Variants in TACR3 observed in about 807,000 individuals in gnomAD.
TACR3 encodes tachykinin receptor 3, also known as neuromedin-K receptor.
Under a neutral mutation model 35.0 loss-of-function variants are expected in TACR3, and 34 were observed. That is an observed-to-expected ratio of 0.97 (90% CI 0.74 to 1.30). TACR3 has a LOEUF of 1.30. Among genes scored for constraint, TACR3 ranks in the 50% most tolerant of loss-of-function variants. The probability of loss-of-function intolerance (pLI) is 0.00; values close to 1 mark genes in which losing one functional copy is unlikely to be tolerated. For missense variants in TACR3, 558 were observed against 591.7 expected (o/e 0.94, Z 0.59); for synonymous variants, 233 against 221.1 (o/e 1.05, Z -0.48).
At chr4:103,636,558 G>A (rs909717018) in intron 3 of TACR3, among the ~76,000 whole-genome samples, 1 of 150,262 alleles carries the variant, frequency 6.7e-6, no homozygotes. Context: ...ACATTCAAAA[G>A]CTAGCAGAAG....
At chr4:103,653,101 G>A (rs910306994) in intron 3 of TACR3, among the ~76,000 whole-genome samples, 1 of 152,070 alleles carries the variant, frequency 6.6e-6, no homozygotes, top group Non-Finnish European at 1.5e-5. Context: ...AGAAGTCCAT[G>A]ATGTAAGGGG....
At chr4:103,606,730 G>A (rs542771142) in intron 3 of TACR3, among the ~76,000 whole-genome samples, 1,905 of 151,982 alleles carry the variant, frequency 0.013, 36 homozygotes, top group African/African-American at 0.043. Context: ...GGCTGAGACA[G>A]TGGGGTTTTC....
intron 3 of TACR3, among the ~76,000 whole-genome samples, chr4:103,622,212 G>A (rs1271535078): frequency 6.6e-6 from 1 of 152,152 alleles, no homozygotes; most frequent in Non-Finnish European, 1.5e-5. Flanking sequence ...TCAGTGGAAT[G>A]GTGTGTTGGA....
intron 3 of TACR3, among the ~76,000 whole-genome samples, chr4:103,625,087 G>A (rs1724861211): frequency 6.6e-6 from 1 of 152,212 alleles, no homozygotes; most frequent in South Asian, 2.1e-4. Flanking sequence ...GGAATTTTAT[G>A]CCGTGAGAGA....
intron 3 of TACR3, among the ~76,000 whole-genome samples, chr4:103,622,167 C>CAAAG (rs1402917287): frequency 6.6e-6 from 1 of 152,064 alleles, no homozygotes; most frequent in African/African-American, 2.4e-5. Flanking sequence ...AATTTAGGAA[C>CAAAG]AAAGAAGTCA....
chr4:103,676,349 G>A lies in TACR3; in HGVS notation c.549-17946C>T, dbSNP rs565008300. Among the ~76,000 whole-genome samples, 6 of 152,156 alleles carry A rather than the reference G, an allele frequency of 3.9e-5. No homozygotes were observed. The South Asian group carries it at 1.2e-3, about 32-fold the overall frequency. ...ATAACAAACATAACACTATCATAAC[G>A]TTAAAATTACACTACATAACACAAT... is the stretch of plus-strand genomic sequence containing the variant. On this transcript the variant is annotated intron_variant, in intron 1 of 4. Transcript: ENST00000304883.
Position 103,658,393 on chromosome 4 carries a change from T to C in TACR3, c.559A>G (p.Ile187Val), listed in dbSNP as rs1725775030. The C allele has an allele frequency of 6.2e-7, 1 of 1,613,344 alleles. No individual in the cohort carries two copies. Among genetic ancestry groups the C allele is most frequent in the African/African-American group, 1.3e-5 (1 of 74,888 alleles). The change falls in exon 2 of 5, where the codon ATT (isoleucine) becomes GTT (valine). Residue 187 changes from isoleucine to valine, a missense_variant. Physicochemically the swap from Ile to Val is conservative, Grantham distance 29. Coordinates refer to ENST00000304883, the MANE Select transcript of TACR3 (RefSeq NM_001059.3). ...AGTCTGGGTTTCAAGGGATCAATAA[T>C]AGCCATATACCTATATAAAAACAAA... is the stretch of plus-strand genomic sequence containing the variant. ...TAIAVDRYMA[I>V]IDPLKPRLSA...
At chr4:103,645,775 G>A (rs937465675) in intron 3 of TACR3, among the ~76,000 whole-genome samples, 2 of 151,904 alleles carry the variant, frequency 1.3e-5, no homozygotes, top group African/African-American at 2.4e-5. Flanking sequence ...TACAGTGCTA[G>A]GCTCTAGAAC....
chr4:103,676,404 C>T (rs1465553945), intron 1 of TACR3, among the ~76,000 whole-genome samples: 1 of 152,064 alleles, frequency 6.6e-6, no homozygotes, highest in Non-Finnish European at 1.5e-5. Flanking sequence ...ATGTCAGATG[C>T]AGTAGACAGT....
chr4:103,682,046 T>C (rs1722106361), intron 1 of TACR3, among the ~76,000 whole-genome samples: 1 of 152,178 alleles, frequency 6.6e-6, no homozygotes, highest in African/African-American at 2.4e-5. Flanking sequence ...TAACTTGTCA[T>C]CAACTTAGTA....
chr4:103,624,252 C>G (rs1296869046), intron 3 of TACR3: 2 of 152,014 alleles, frequency 1.3e-5, no homozygotes, highest in Non-Finnish European at 2.9e-5. Context: ...AGGGTGTTAG[C>G]AAAAATAATT....
chr4:103,717,996 C>T (rs999085881), intron 1 of TACR3, among the ~76,000 whole-genome samples: 4 of 152,050 alleles, frequency 2.6e-5, no homozygotes, highest in Admixed American at 2.0e-4. Flanking sequence ...TAATTTAATC[C>T]TTTGAGCCTG....
At chr4:103,627,049 G>T (rs1468718646) in intron 3 of TACR3, among the ~76,000 whole-genome samples, 5 of 151,164 alleles carry the variant, frequency 3.3e-5, no homozygotes, top group African/African-American at 1.2e-4. Flanking sequence ...GGGCGTGGTG[G>T]CAGGCACCTG....
chr4:103,657,901 A>G (rs1725764480), intron 2 of TACR3, among the ~76,000 whole-genome samples: 1 of 151,830 alleles, frequency 6.6e-6, no homozygotes, highest in Non-Finnish European at 1.5e-5. Context: ...CTTCCTTCTC[A>G]CTCATTTCTC....
At chr4:103,659,801 G>T (rs1293270681) in intron 1 of TACR3, among the ~76,000 whole-genome samples, 1 of 152,074 alleles carries the variant, frequency 6.6e-6, no homozygotes, top group Non-Finnish European at 1.5e-5. Flanking sequence ...TAACAATATA[G>T]CTGAAAGAAG....
chr4:103,609,340 A>G (rs538214592), intron 3 of TACR3, among the ~76,000 whole-genome samples: 6 of 152,264 alleles, frequency 3.9e-5, no homozygotes, highest in African/African-American at 1.4e-4. Flanking sequence ...AATTCAAAAT[A>G]TATGTTATAG....
intron 3 of TACR3, among the ~76,000 whole-genome samples, chr4:103,605,902 G>T (rs1724347107): frequency 6.6e-6 from 1 of 152,168 alleles, no homozygotes; most frequent in African/African-American, 2.4e-5. Flanking sequence ...CCTTGCCCAT[G>T]CCTATGTACT....
chr4:103,654,363 A>G (rs1462774928), intron 3 of TACR3, among the ~76,000 whole-genome samples: 2 of 151,642 alleles, frequency 1.3e-5, no homozygotes, highest in Non-Finnish European at 2.9e-5. Context: ...AATACTATGC[A>G]GCCATAAAAA....
At chr4:103,594,682 T>A (rs1407721214) in intron 3 of TACR3, among the ~76,000 whole-genome samples, 1 of 152,162 alleles carries the variant, frequency 6.6e-6, no homozygotes, top group Non-Finnish European at 1.5e-5. Flanking sequence ...TAGATAAATT[T>A]CAATTTTCAT....
Sources: allele counts gnomAD v4.1 joint callset (sites outside exome capture counted in the v4.1 genomes callset), GRCh38; gene constraint gnomAD v4.1.1; transcripts MANE v1.5; gene names NCBI Gene and HGNC (gene_info 2026-07-23, HGNC 2026-07-21).